Variants in WWP2 observed in about 807,000 individuals in gnomAD.
WWP2 encodes WW domain containing E3 ubiquitin protein ligase 2, also known as NEDD4-like E3 ubiquitin-protein ligase WWP2.
Under a neutral mutation model 121.0 loss-of-function variants are expected in WWP2, and 57 were observed. That is an observed-to-expected ratio of 0.47 (90% CI 0.38 to 0.59). The LOEUF (loss-of-function observed/expected upper bound fraction) is 0.59. Among genes scored for constraint, WWP2 ranks in the 20% least tolerant of loss-of-function variants. WWP2 has a pLI of 0.00. For missense variants in WWP2, 962 were observed against 1,158.9 expected (o/e 0.83, Z 2.47); for synonymous variants, 449 against 441.3 (o/e 1.02, Z -0.22).
intron 19 of WWP2, 112 bp downstream of exon 19, chr16:69,936,564 G>A (rs1288406133): frequency 2.0e-6 from 3 of 1,476,480 alleles, no homozygotes; most frequent in Non-Finnish European, 1.8e-6. Context: ...GATGCCATTT[G>A]CATTTGCCTT....
chr16:69,774,972 AAAAAAAAAAAG>A (rs1316236129), intron 1 of WWP2: 1 of 152,530 alleles, frequency 6.6e-6, no homozygotes, highest in African/African-American at 2.4e-5. Context: ...GTCTCAAAAA[AAAAAAAAAAAG>A]AAAAGAAAAG....
intron 6 of WWP2, among the ~76,000 whole-genome samples, chr16:69,863,885 AC>A (rs546143620): frequency 5.5e-4 from 84 of 152,344 alleles, no homozygotes; most frequent in African/African-American, 1.8e-3. Context: ...TGCTGCATGT[AC>A]CAGCACTTTA....
In WWP2 at chr16:69,778,752, C is replaced by T. The variant is rs9931479; in HGVS notation, c.-15-8244C>T. 1.9e-3 allele frequency among the ~76,000 whole-genome samples: 290 copies of T among 151,436 alleles called. 2 individuals are homozygous for T. Among genetic ancestry groups the T allele is most frequent in the African/African-American group, 6.6e-3 (273 of 41,250 alleles). On this transcript the variant is annotated intron_variant, in intron 1 of 23. Coordinates refer to ENST00000359154, the MANE Select transcript of WWP2 (RefSeq NM_001270454.2). ...CACCTCCCGGGTTCAAGCAATTCTC[C>T]TGCCTCAGCCTCCCGAGTAGCTGGG...
intron 6 of WWP2, among the ~76,000 whole-genome samples, chr16:69,862,026 C>T (rs1161879737): frequency 2.0e-5 from 3 of 152,016 alleles, no homozygotes; most frequent in African/African-American, 7.3e-5. Flanking sequence ...ACTTTTTGTG[C>T]CTGTTTTATA....
chr16:69,808,301 G>A (rs992194594), intron 4 of WWP2, among the ~76,000 whole-genome samples: 3 of 151,408 alleles, frequency 2.0e-5, no homozygotes, highest in South Asian at 2.1e-4. Flanking sequence ...ATGGGATCTC[G>A]CTATATTGCC....
Position 69,940,056 on chromosome 16 carries a change from G to A in WWP2, c.*116G>A. ...CCCCCGTGGATGTGGCCCTGTGTGG[G>A]ACCACACTGTCATCTCGCTGCTGGC... On this transcript the variant is annotated 3_prime_UTR_variant, in exon 24 of 24. Coordinates refer to ENST00000359154, the MANE Select transcript of WWP2 (RefSeq NM_001270454.2). 1.3e-6 allele frequency: 1 copy of A among 790,506 alleles called. No individual in the cohort carries two copies. Among genetic ancestry groups the A allele is most frequent in the Non-Finnish European group, 2.0e-6 (1 of 502,428 alleles). The allele number at this position is 790,506 out of a possible 1,614,324, so 49.0% of individuals were successfully genotyped here.
At chr16:69,769,519 A>G (rs1274327602) in intron 1 of WWP2, among the ~76,000 whole-genome samples, 1 of 152,132 alleles carries the variant, frequency 6.6e-6, no homozygotes, top group East Asian at 1.9e-4. Context: ...CCTTCTACAC[A>G]GGTCTTTTCA....
intron 2 of WWP2, among the ~76,000 whole-genome samples, chr16:69,790,729 C>T (rs1335702400): frequency 6.6e-6 from 1 of 152,118 alleles, no homozygotes; most frequent in Non-Finnish European, 1.5e-5. Context: ...GCATGTGCCA[C>T]CACACCTGGC....
intron 1 of WWP2, among the ~76,000 whole-genome samples, chr16:69,767,418 TATC>T (rs781150084): frequency 2.5e-4 from 38 of 152,328 alleles, no homozygotes; most frequent in South Asian, 6.2e-4. Context: ...TTCTACCACT[TATC>T]ATTAGTGAGA....
intron 7 of WWP2, among the ~76,000 whole-genome samples, chr16:69,879,269 G>T (rs1481179251): frequency 6.6e-6 from 1 of 152,088 alleles, no homozygotes; most frequent in Non-Finnish European, 1.5e-5. Flanking sequence ...TAATTCAGTG[G>T]CATTAATTAT....
chr16:69,775,247 T>C (rs1367572237), intron 1 of WWP2: 2 of 152,290 alleles, frequency 1.3e-5, no homozygotes, highest in African/African-American at 4.8e-5. Flanking sequence ...AAGGAGGGCA[T>C]CTCTCAAAGG....
intron 1 of WWP2, among the ~76,000 whole-genome samples, chr16:69,778,192 A>ATATATATT (rs1555544415): frequency 8.0e-6 from 1 of 125,658 alleles, no homozygotes. Flanking sequence ...ATATATATAT[A>ATATATATT]TTTTTTTTTT....
intron 6 of WWP2, among the ~76,000 whole-genome samples, chr16:69,854,366 G>T (rs746399851): frequency 3.3e-5 from 5 of 152,140 alleles, no homozygotes; most frequent in Non-Finnish European, 5.9e-5. Context: ...GTGAGATGAG[G>T]TTCGACTTTT....
intron 6 of WWP2, among the ~76,000 whole-genome samples, chr16:69,858,279 A>C (rs1567384802): frequency 1.3e-5 from 2 of 152,216 alleles, no homozygotes; most frequent in South Asian, 2.1e-4. Flanking sequence ...GCTTTCACTC[A>C]AACACCAGGC....
At chr16:69,791,143 G>C (rs1327460132) in intron 2 of WWP2, among the ~76,000 whole-genome samples, 2 of 152,106 alleles carry the variant, frequency 1.3e-5, no homozygotes, top group South Asian at 2.1e-4. Flanking sequence ...AGCAGAAGTT[G>C]GCCTATTGGA....
intron 4 of WWP2, among the ~76,000 whole-genome samples, chr16:69,817,146 G>A (rs2056509185): frequency 6.8e-6 from 1 of 146,480 alleles, no homozygotes; most frequent in Non-Finnish European, 1.5e-5. Flanking sequence ...CCCCCCAAAT[G>A]GGAACTCATT....
At chr16:69,933,873 T>C (rs751808613) in intron 16 of WWP2, 97 bp from the exon 17 acceptor site, 3 of 1,431,336 alleles carry the variant, frequency 2.1e-6, no homozygotes, top group Non-Finnish European at 2.9e-6. Context: ...CGTGTCCCCA[T>C]ACTAACCTGA....
chr16:69,774,457 C>G (rs1345994723), intron 1 of WWP2, among the ~76,000 whole-genome samples: 1 of 152,050 alleles, frequency 6.6e-6, no homozygotes, highest in Non-Finnish European at 1.5e-5. Context: ...AGGTTTTGCC[C>G]TATTGTTCAG....
At chr16:69,936,481 C>G in intron 19 of WWP2, 29 bp downstream of exon 19, 1 of 1,612,574 alleles carries the variant, frequency 6.2e-7, no homozygotes. Flanking sequence ...GGGCTCCGCT[C>G]CAGGGGTGGC....
Sources: gnomAD v4.1 joint callset for allele counts (sites outside exome capture counted in the v4.1 genomes callset) on GRCh38, gnomAD v4.1.1 for gene constraint, MANE v1.5 for transcripts, NCBI Gene and HGNC (gene_info 2026-07-23, HGNC 2026-07-21) for gene names.